Variants in WWOX observed in about 807,000 individuals in gnomAD.
WWOX encodes WW domain-containing oxidoreductase.
A neutral mutation model predicts 46.2 loss-of-function variants in WWOX; 69 were observed. The observed-to-expected ratio is 1.49, with a 90% CI of 1.23 to 1.82. The LOEUF (loss-of-function observed/expected upper bound fraction) is 1.82. WWOX is among the 40% of genes most tolerant of loss of function. WWOX has a pLI of 0.00. For missense variants in WWOX, 919 were observed against 542.6 expected, an observed-to-expected ratio of 1.69 and a Z score of -6.89; for synonymous variants, 359 against 202.6, an observed-to-expected ratio of 1.77 and a Z score of -6.56.
At chr16:79,114,894 C>T (rs754581671) in intron 8 of WWOX, among the ~76,000 whole-genome samples, 2 of 152,188 alleles carry the variant, frequency 1.3e-5, no homozygotes, top group Non-Finnish European at 2.9e-5. Flanking sequence ...GTTTCCCAGC[C>T]CATTGGTGAT....
intron 8 of WWOX, among the ~76,000 whole-genome samples, chr16:78,639,106 A>G (rs1230473882): frequency 6.6e-6 from 1 of 152,208 alleles, no homozygotes; most frequent in Non-Finnish European, 1.5e-5. Context: ...CTCCTGTCCC[A>G]TACTTGGACA....
chr16:78,786,110 G>A (rs923327809), intron 8 of WWOX, among the ~76,000 whole-genome samples: 5 of 152,028 alleles, frequency 3.3e-5, no homozygotes, highest in African/African-American at 9.7e-5. Flanking sequence ...AGATTTTCCC[G>A]TGTTGGCCAG....
intron 7 of WWOX, among the ~76,000 whole-genome samples, chr16:78,428,155 G>C (rs956423355): frequency 2.0e-5 from 3 of 152,234 alleles, no homozygotes; most frequent in African/African-American, 7.2e-5. Flanking sequence ...TACAAAGCAA[G>C]TGTTACTGTC....
chr16:78,745,395 C>T (rs2049324935), intron 8 of WWOX, among the ~76,000 whole-genome samples: 1 of 152,126 alleles, frequency 6.6e-6, no homozygotes, highest in Non-Finnish European at 1.5e-5. Flanking sequence ...TTTCATTCTT[C>T]TTGCCGGCCT....
At chr16:78,304,958 C>A (rs1481444538) in intron 5 of WWOX, among the ~76,000 whole-genome samples, 2 of 147,800 alleles carry the variant, frequency 1.4e-5, no homozygotes, top group South Asian at 4.3e-4. Context: ...CTTTTTTTTT[C>A]TTTTCTTTCC....
At chr16:78,461,155 G>A (rs1486597738) in intron 8 of WWOX, among the ~76,000 whole-genome samples, 2 of 152,118 alleles carry the variant, frequency 1.3e-5, no homozygotes, top group African/African-American at 2.4e-5. Context: ...ATGAATTGTG[G>A]ATACAGATTT....
intron 8 of WWOX, among the ~76,000 whole-genome samples, chr16:79,107,101 G>T (rs946313776): frequency 1.3e-5 from 2 of 152,070 alleles, no homozygotes. Flanking sequence ...ATGGGCCACC[G>T]CTCCCAGCCT....
At chr16:78,630,579 C>G (rs1027751193) in intron 8 of WWOX, among the ~76,000 whole-genome samples, 1 of 152,140 alleles carries the variant, frequency 6.6e-6, no homozygotes. Flanking sequence ...TTAAATGCAT[C>G]CTGTGTGACC....
At chr16:78,438,843 G>T (rs2083387142) in intron 8 of WWOX, among the ~76,000 whole-genome samples, 1 of 152,112 alleles carries the variant, frequency 6.6e-6, no homozygotes, top group East Asian at 1.9e-4. Flanking sequence ...TGCTGGTCCT[G>T]TTGCAAAGTT....
chr16:78,710,031 G>A (rs963111938), intron 8 of WWOX, among the ~76,000 whole-genome samples: 4 of 152,016 alleles, frequency 2.6e-5, no homozygotes, highest in South Asian at 4.1e-4. Flanking sequence ...GCCCCCGGCC[G>A]ATAGTTGCCT....
intron 8 of WWOX, among the ~76,000 whole-genome samples, chr16:78,836,888 C>T (rs183315737): frequency 9.2e-5 from 14 of 152,120 alleles, no homozygotes; most frequent in African/African-American, 2.7e-4. Context: ...TGGGCTTTTG[C>T]GAAGAAGTTT....
At chr16:78,580,165 C>T (rs879550129) in intron 8 of WWOX, among the ~76,000 whole-genome samples, 1 of 151,910 alleles carries the variant, frequency 6.6e-6, no homozygotes, top group Non-Finnish European at 1.5e-5. Flanking sequence ...CCTCCACCTC[C>T]CAAGTTCAAG....
At chr16:78,587,596 A>C (rs2045245025) in intron 8 of WWOX, among the ~76,000 whole-genome samples, 1 of 152,112 alleles carries the variant, frequency 6.6e-6, no homozygotes, top group Non-Finnish European at 1.5e-5. Flanking sequence ...GATGTTGATG[A>C]GAAGAAATGT....
At chr16:78,793,151 C>T (rs2050649514) in intron 8 of WWOX, among the ~76,000 whole-genome samples, 1 of 152,190 alleles carries the variant, frequency 6.6e-6, no homozygotes, top group Non-Finnish European at 1.5e-5. Context: ...CAGGTCACTG[C>T]AACTGCTGTC....
chr16:78,197,154 T>C (rs773799971), intron 5 of WWOX, among the ~76,000 whole-genome samples: 62 of 152,290 alleles, frequency 4.1e-4, no homozygotes, highest in Non-Finnish European at 8.1e-4. Context: ...TATCAGATCC[T>C]TTTTTCTGCA....
At chr16:78,367,786 C>G (rs532201516) in intron 5 of WWOX, among the ~76,000 whole-genome samples, 1 of 151,614 alleles carries the variant, frequency 6.6e-6, no homozygotes, top group East Asian at 1.9e-4. Flanking sequence ...GAGATGGAGT[C>G]TCGCTCTGTC....
chr16:78,904,320 C>A (rs2044905585), intron 8 of WWOX, among the ~76,000 whole-genome samples: 1 of 150,076 alleles, frequency 6.7e-6, no homozygotes, highest in Non-Finnish European at 1.5e-5. Flanking sequence ...CTCACTGCAA[C>A]CTCTGCCTCC....
At chr16:78,986,990 C>T (rs1419853797) in intron 8 of WWOX, among the ~76,000 whole-genome samples, 5 of 151,952 alleles carry the variant, frequency 3.3e-5, no homozygotes, top group South Asian at 2.1e-4. Context: ...TGCACTTACC[C>T]ACACGGAGCA....
intron 8 of WWOX, among the ~76,000 whole-genome samples, chr16:79,005,549 C>T (rs1430656734): frequency 2.6e-5 from 4 of 152,190 alleles, no homozygotes; most frequent in Non-Finnish European, 2.9e-5. Flanking sequence ...CTCTTCCCGG[C>T]CTGTAGGTAT....
Sources: gnomAD v4.1 joint callset for allele counts (sites outside exome capture counted in the v4.1 genomes callset) on GRCh38, gnomAD v4.1.1 for gene constraint, MANE v1.5 for transcripts, NCBI Gene and HGNC (gene_info 2026-07-23, HGNC 2026-07-21) for gene names.